The following CRTAP variants were observed in gnomAD, a reference collection of about 807,000 sequenced individuals.
CRTAP encodes cartilage-associated protein.
CRTAP carries 33 observed loss-of-function variants against 42.7 expected under a neutral mutation model. The observed-to-expected ratio is 0.77, with a 90% CI of 0.59 to 1.03. The LOEUF is 1.03. CRTAP is among the 50% of genes least tolerant of loss of function. The pLI is 0.00. For missense variants in CRTAP, 613 were observed against 533.9 expected (o/e 1.15, Z -1.46); for synonymous variants, 243 against 217.7 (o/e 1.12, Z -1.02).
rs1261456385 is a variant in CRTAP at position 33,142,665 on chromosome 3, T to TG, written c.*217_*218insG. ...CATGTTCACACCTATCTTTCTCACC[T>TG]TTTTTTTGAGATGGAGTCTCGCTCT... On this transcript the variant is annotated 3_prime_UTR_variant, in exon 7 of 7. Transcript: ENST00000320954. 4.0e-6 allele frequency: 2 copies of TG among 496,780 alleles called. No individual in the cohort carries two copies. Among genetic ancestry groups the TG allele is most frequent in the East Asian group, 7.0e-5 (2 of 28,748 alleles). 30.8% of individuals were successfully genotyped at this position (496,780 alleles called of 1,614,324 possible).
rs1471139446 is a variant in CRTAP at position 33,146,227 on chromosome 3, T to C, written c.*3779T>C. 1.3e-5 allele frequency: 2 copies of C among 152,200 alleles called. No individual in the cohort carries two copies. The highest frequency in any genetic ancestry group is 2.9e-5 in the Non-Finnish European group (2 of 68,078). 9.4% of individuals were successfully genotyped at this position (152,200 alleles called of 1,614,324 possible). On this transcript the variant is annotated 3_prime_UTR_variant, in exon 7 of 7. Coordinates refer to ENST00000320954, the MANE Select transcript of CRTAP (RefSeq NM_006371.5). ...CGAAAAAACAAACACATTTGTAAGC[T>C]TTGTGGGAGCTTCCAGGCCTGCTCT...
At chr3:33,126,970 G>A (rs2030089360) in intron 3 of CRTAP, among the ~76,000 whole-genome samples, 2 of 152,164 alleles carry the variant, frequency 1.3e-5, no homozygotes, top group African/African-American at 4.8e-5. Context: ...GTCTGGCTTA[G>A]TGAAACAACA....
intron 6 of CRTAP, among the ~76,000 whole-genome samples, chr3:33,140,548 C>T (rs1361580802): frequency 1.3e-5 from 2 of 152,212 alleles, no homozygotes; most frequent in South Asian, 4.1e-4. Context: ...CATCAGTACA[C>T]TTTAGCTGCT....
rs1025543422 is a variant in CRTAP, at chr3:33,114,660, G to C, written c.471+112G>C. ...CGTTGCCCCTCCAGTTCTAGACCTG[G>C]CTCCCTCCCATCCAGCCCTGCCAAA... On this transcript the variant is annotated intron_variant, in intron 1 of 6. Coordinates refer to ENST00000320954, the MANE Select transcript of CRTAP (RefSeq NM_006371.5). The C allele has an allele frequency of 1.2e-4, 122 of 986,082 alleles. 1 individual carries two copies. In the South Asian group the frequency reaches 1.8e-3, roughly 14 times the overall value. The allele number at this position is 986,082 out of a possible 1,614,324, so 61.1% of individuals were successfully genotyped here. A position where few individuals can be genotyped will look rare whatever the true frequency, so the allele number is the denominator to read the frequency against.
chr3:33,116,795 A>G (rs917952822), intron 1 of CRTAP, among the ~76,000 whole-genome samples: 3 of 152,170 alleles, frequency 2.0e-5, no homozygotes, highest in African/African-American at 4.8e-5. Context: ...GAGATATTGT[A>G]TGGTGTATTT....
chr3:33,114,215 G>A lies in CRTAP; in HGVS notation c.138G>A (p.Ser46=), dbSNP rs1201578364. ...FPRDELMPLE[S]AYRHALDKYS... is the part of the protein sequence containing the mutation. ...GGGACGAGCTGATGCCGCTCGAGTC[G>A]GCCTACCGGCACGCGCTGGACAAGT... Residue 46 remains serine (S), a synonymous_variant, in exon 1 of 7, where the codon TCG becomes TCA. Transcript: ENST00000320954. The A allele has an allele frequency of 2.5e-6, 4 of 1,593,046 alleles. No individual in the cohort carries two copies. Among genetic ancestry groups the A allele is most frequent in the Non-Finnish European group, 3.4e-6 (4 of 1,175,902 alleles).
intron 2 of CRTAP, among the ~76,000 whole-genome samples, chr3:33,121,791 A>G (rs555193318): frequency 6.6e-6 from 1 of 152,192 alleles, no homozygotes; most frequent in Admixed American, 6.5e-5. Context: ...AGTCTCTAGA[A>G]TAAACTGCCA....
chr3:33,120,613 A>G (rs2029869381), intron 2 of CRTAP, 120 bp downstream of exon 2: 2 of 1,431,232 alleles, frequency 1.4e-6, no homozygotes, highest in African/African-American at 2.8e-5. Context: ...TTTGCTGAAT[A>G]TTATGACAAT....
At chr3:33,139,087 T>C (rs898325919) in intron 6 of CRTAP, among the ~76,000 whole-genome samples, 1 of 150,748 alleles carries the variant, frequency 6.6e-6, no homozygotes, top group Non-Finnish European at 1.5e-5. Context: ...GAGGTTGCAG[T>C]GAGCCGAGAT....
At chr3:33,140,454 T>C (rs1381340334) in intron 6 of CRTAP, among the ~76,000 whole-genome samples, 1 of 152,240 alleles carries the variant, frequency 6.6e-6, no homozygotes. Context: ...AGTAATACTT[T>C]GAAATGAAAA....
intron 6 of CRTAP, among the ~76,000 whole-genome samples, chr3:33,137,645 G>T (rs570542016): frequency 6.6e-6 from 1 of 152,288 alleles, no homozygotes; most frequent in East Asian, 1.9e-4. Context: ...CTCACAATTT[G>T]TGGGTTGTCT....
intron 3 of CRTAP, among the ~76,000 whole-genome samples, chr3:33,126,183 A>G (rs925390508): frequency 6.6e-6 from 1 of 152,160 alleles, no homozygotes; most frequent in Non-Finnish European, 1.5e-5. Flanking sequence ...TGTGAATTTG[A>G]CTACTCTAGA....
chr3:33,139,013 ACATGCC>A (rs886997879), intron 6 of CRTAP, among the ~76,000 whole-genome samples: 6 of 152,052 alleles, frequency 3.9e-5, no homozygotes, highest in Non-Finnish European at 8.8e-5. Context: ...GCGTGGTGGC[ACATGCC>A]TGTAATCCCA....
chr3:33,114,663 C>T (rs1044731756), intron 1 of CRTAP, 115 bp downstream of exon 1: 8 of 938,670 alleles, frequency 8.5e-6, no homozygotes, highest in African/African-American at 8.3e-5. Flanking sequence ...AGACCTGGCT[C>T]CCTCCCATCC....
At chr3:33,122,061 C>G (rs994119681) in intron 2 of CRTAP, among the ~76,000 whole-genome samples, 2 of 152,210 alleles carry the variant, frequency 1.3e-5, no homozygotes, top group African/African-American at 4.8e-5. Context: ...GCTGCTTGCT[C>G]CCTTCCCATT....
At position 33,114,131 on chromosome 3, in the gene CRTAP, C is replaced by T. The variant is rs999607019; in HGVS notation, c.54C>T (p.Ala18=). ...CGCTGCTAGCGCTGCTGTGCGTGGCCTGCGCGCTGCGCGCCGGGCGCGCCC... is the reference window on the plus strand; with the variant it reads ...CGCTGCTAGCGCTGCTGTGCGTGGCTTGCGCGCTGCGCGCCGGGCGCGCCC... ...AAALLALLCV[A]CALRAGRAQY... The change falls in exon 1 of 7, where the codon GCC becomes GCT. Residue 18 remains alanine (A), a synonymous_variant. Coordinates refer to ENST00000320954, the MANE Select transcript of CRTAP (RefSeq NM_006371.5). The T allele has an allele frequency of 6.4e-7, 1 of 1,565,856 alleles. No homozygotes were observed. The highest frequency in any genetic ancestry group is 8.6e-7 in the Non-Finnish European group (1 of 1,166,110).
At chr3:33,118,659 GCCTTGGAGCGTC>G (rs1701375903) in intron 1 of CRTAP, among the ~76,000 whole-genome samples, 1 of 152,156 alleles carries the variant, frequency 6.6e-6, no homozygotes, top group Non-Finnish European at 1.5e-5. Context: ...CCTAATTCCC[GCCTTGGAGCGTC>G]CCTCTGGATT....
At chr3:33,133,909 A>AT (rs2030345629) in intron 5 of CRTAP, among the ~76,000 whole-genome samples, 1 of 152,194 alleles carries the variant, frequency 6.6e-6, no homozygotes, top group African/African-American at 2.4e-5. Flanking sequence ...GGATTTCTAT[A>AT]TGCCATCTTG....
intron 3 of CRTAP, among the ~76,000 whole-genome samples, chr3:33,125,784 CT>C (rs751757346): frequency 2.0e-5 from 3 of 152,234 alleles, no homozygotes; most frequent in Non-Finnish European, 2.9e-5. Flanking sequence ...ACTATTACCC[CT>C]GTAAGAATTT....
Sources: gnomAD v4.1 joint callset for allele counts (sites outside exome capture counted in the v4.1 genomes callset) on GRCh38, gnomAD v4.1.1 for gene constraint, MANE v1.5 for transcripts, NCBI Gene and HGNC (gene_info 2026-07-23, HGNC 2026-07-21) for gene names.